TPM2: variants seen among roughly 807,000 people sequenced by gnomAD.
TPM2 encodes tropomyosin 2, also known as tropomyosin beta chain.
In TPM2, 26 loss-of-function variants were observed where a neutral mutation model predicts 41.0. That is an observed-to-expected ratio of 0.63 (90% CI 0.46 to 0.88). The LOEUF (loss-of-function observed/expected upper bound fraction) is 0.88, where lower values mean the gene tolerates loss of function less well. Among genes scored for constraint, TPM2 ranks in the 40% least tolerant of loss-of-function variants. The probability of loss-of-function intolerance (pLI) is 0.00; values close to 1 mark genes in which losing one functional copy is unlikely to be tolerated. For missense variants in TPM2, 187 were observed against 355.2 expected (o/e 0.53, Z 3.81); for synonymous variants, 143 against 139.3 (o/e 1.03, Z -0.19).
chr9:35,687,529 TAG>T (rs746276921), intron 2 of TPM2, among the ~76,000 whole-genome samples: 1 of 151,956 alleles, frequency 6.6e-6, no homozygotes, highest in Non-Finnish European at 1.5e-5. Context: ...GGTCGGACTG[TAG>T]GGCAGGAGAA....
At position 35,689,743 on chromosome 9, in the gene TPM2, G is replaced by A. The variant is rs138151922; in HGVS notation, c.75C>T (p.Ala25=). ...KENAIDRAEQ[A]EADKKQAEDR... ...CCTCAGCTTGCTTCTTGTCGGCTTC[G>A]GCCTGCTCGGCGCGGTCGATGGCGT... Residue 25 remains alanine, a synonymous_variant, in exon 1 of 9, where the codon GCC becomes GCT. Coordinates refer to ENST00000645482, the MANE Select transcript of TPM2 (RefSeq NM_003289.4). 13 of 1,613,658 alleles carry A rather than the reference G, an allele frequency of 8.1e-6. No homozygotes were observed. The Admixed American group carries it at 8.3e-5, about 10-fold the overall frequency.
chr9:35,685,530 G>C lies in TPM2; in HGVS notation c.396C>G (p.Asn132Lys), dbSNP rs1191057003. 6.2e-7 allele frequency: 1 copy of C among 1,614,098 alleles called. No homozygotes were observed. Among genetic ancestry groups the C allele is most frequent in the Non-Finnish European group, 8.5e-7 (1 of 1,180,046 alleles). Reference protein sequence around the residue: ...ESERGMKVIENRAMKDEEKME... With the variant: ...ESERGMKVIEKRAMKDEEKME... ...TCTTCTCCTCATCCTTCATGGCCCG[G>C]TTTTCGATGACCTTCATTCCTCTGA... Residue 132 changes from asparagine to lysine, a missense_variant, in exon 4 of 9, where the codon AAC becomes AAG. By Grantham distance (94) the Asn-to-Lys change is moderately conservative. Coordinates refer to ENST00000645482, the MANE Select transcript of TPM2 (RefSeq NM_003289.4). This position sits in a 1 kb window ranked among gnomAD's most constrained non-coding sequence, Gnocchi z 5.0.
chr9:35,683,429 A>G (rs2131846774), intron 8 of TPM2, among the ~76,000 whole-genome samples, 188 bp from the exon 9 acceptor site: 1 of 152,250 alleles, frequency 6.6e-6, no homozygotes, highest in East Asian at 1.9e-4. Context: ...TCTCTACCCC[A>G]TCTCTTTTCT....
At chr9:35,684,884 G>C in intron 5 of TPM2, 77 bp from the exon 6 acceptor site, 1 of 1,613,460 alleles carries the variant, frequency 6.2e-7, no homozygotes, top group Non-Finnish European at 8.5e-7. Flanking sequence ...CACAGCAGGG[G>C]ACGGGTGGAG....
Position 35,689,161 on chromosome 9 carries a change from C to T in TPM2, c.225G>A (p.Glu75=), listed in dbSNP as rs375762242. ...CCACACTCACATCAGTGGCCTTCTT[C>T]TCGGCCTGCTCCAGTTTCTCCTGGG... is the stretch of plus-strand genomic sequence containing the variant. The part of the protein sequence containing the change: ...KEAQEKLEQA[E]KKATDAEADV... Residue 75 remains glutamate (E), a synonymous_variant, in exon 2 of 9, where the codon GAG becomes GAA. Transcript: ENST00000645482. 1.3e-4 allele frequency: 209 copies of T among 1,614,114 alleles called. No homozygotes were observed. The highest frequency in any genetic ancestry group is 1.6e-4 in the Non-Finnish European group (187 of 1,180,046).
chr9:35,685,617 C>G lies in TPM2; in HGVS notation c.374+30G>C, dbSNP rs1243871. On this transcript the variant is annotated intron_variant, in intron 3 of 8. Coordinates refer to ENST00000645482, the MANE Select transcript of TPM2 (RefSeq NM_003289.4). This position sits in a 1 kb window ranked among gnomAD's most constrained non-coding sequence, Gnocchi z 5.0. ...CAGAGACAGGCTCCCTTCTCCCTCC[C>G]GGACCATCCTCCCCGAGGCCCCTGA... 1.2e-5 allele frequency: 19 copies of G among 1,614,130 alleles called. No homozygotes were observed. The highest frequency in any genetic ancestry group is 1.5e-5 in the Non-Finnish European group (18 of 1,180,018).
At chr9:35,689,588 C>G in intron 1 of TPM2, 116 bp downstream of exon 1, 7 of 1,572,654 alleles carry the variant, frequency 4.5e-6, no homozygotes, top group Non-Finnish European at 5.2e-6. Flanking sequence ...GGCCCAGCCC[C>G]CACCCTGGGT....
chr9:35,689,683 T>G (rs193075517), intron 1 of TPM2, 21 bp downstream of exon 1: 330 of 1,611,630 alleles, frequency 2.0e-4, no homozygotes, highest in African/African-American at 1.8e-3. Context: ...GAGAGCAGGC[T>G]GCACTGGGCC....
chr9:35,685,347 G>C lies in TPM2; in HGVS notation c.493-8C>G. 1 of 1,613,220 alleles carries C rather than the reference G, an allele frequency of 6.2e-7. No homozygotes were observed. The highest frequency in any genetic ancestry group is 8.5e-7 in the Non-Finnish European group (1 of 1,180,028). Reference sequence around the variant, plus strand: ...CACCAGCTTCCTGGCCACCTGTGGGGAGTGAGAAAGAGAGGGTAGATCAGT... The same window carrying C: ...CACCAGCTTCCTGGCCACCTGTGGGCAGTGAGAAAGAGAGGGTAGATCAGT... On this transcript the variant is annotated splice_region_variant and splice_polypyrimidine_tract_variant and intron_variant, in intron 4 of 8. Coordinates refer to ENST00000645482, the MANE Select transcript of TPM2 (RefSeq NM_003289.4). This position sits in a 1 kb window ranked among gnomAD's most constrained non-coding sequence, Gnocchi z 5.0.
At chr9:35,689,325 T>G in intron 1 of TPM2, 54 bp from the exon 2 acceptor site, 1 of 1,611,250 alleles carries the variant, frequency 6.2e-7, no homozygotes, top group Non-Finnish European at 8.5e-7. Flanking sequence ...AGGCCCAGAA[T>G]GGAGACGCGG....
chr9:35,683,321 C>A, intron 8 of TPM2, 80 bp from the exon 9 acceptor site: 2 of 1,357,842 alleles, frequency 1.5e-6, no homozygotes, highest in Non-Finnish European at 1.0e-6. Context: ...GGAGAGAGAG[C>A]AATGGAAAGA....
At chr9:35,688,495 G>A (rs1436902291) in intron 2 of TPM2, among the ~76,000 whole-genome samples, 1 of 152,190 alleles carries the variant, frequency 6.6e-6, no homozygotes, top group Admixed American at 6.5e-5. Flanking sequence ...GGTGGGCAGA[G>A]AAATCTCAGG....
Position 35,683,187 on chromosome 9 carries a change from T to C in TPM2, c.827A>G (p.Asn276Ser). 6.4e-7 allele frequency: 1 copy of C among 1,557,500 alleles called. No homozygotes were observed. Among genetic ancestry groups the C allele is most frequent in the Non-Finnish European group, 8.7e-7 (1 of 1,149,188 alleles). ...KYKAISEELD[N>S]ALNDITSL ...GAGGGAGGTGATGTCATTGAGTGCG[T>C]TGTCCAGTTCCTCGCTAATGGCCTT... The change falls in exon 9 of 9, where the codon AAC becomes AGC. Residue 276 changes from asparagine (N) to serine (S), a missense_variant. Coordinates refer to ENST00000645482, the MANE Select transcript of TPM2 (RefSeq NM_003289.4).
At chr9:35,689,455 G>A (rs549598436) in intron 1 of TPM2, 184 bp from the exon 2 acceptor site, 1 of 937,938 alleles carries the variant, frequency 1.1e-6, no homozygotes, top group African/African-American at 1.8e-5. Context: ...AAAACTTCAG[G>A]CCCCAAGGAG....
chr9:35,689,089 G>A (rs897510184), intron 2 of TPM2, 57 bp downstream of exon 2: 17 of 1,599,510 alleles, frequency 1.1e-5, no homozygotes, highest in Admixed American at 3.3e-5. Flanking sequence ...TCCCATACCC[G>A]GGGGGCCCCT....
At chr9:35,684,343 T>C in intron 7 of TPM2, 28 bp from the exon 8 acceptor site, 1 of 1,613,790 alleles carries the variant, frequency 6.2e-7, no homozygotes, top group African/African-American at 1.3e-5. Context: ...ATGGGAGAAA[T>C]GGCAAAGAAT....
In TPM2 at chr9:35,685,073, T is replaced by G; in HGVS notation, c.563+196A>C. On this transcript the variant is annotated intron_variant, in intron 5 of 8. Transcript: ENST00000645482. The surrounding 1 kb of genome is among the most constrained non-coding windows in gnomAD (Gnocchi z 5.0). ...TCAGAGGGGTCACTACCTCCTCCTC[T>G]GAGGCCATCAGGGACTTGAGGGCCT... 6.2e-7 allele frequency: 1 copy of G among 1,614,194 alleles called. No individual in the cohort carries two copies. Among genetic ancestry groups the G allele is most frequent in the Non-Finnish European group, 8.5e-7 (1 of 1,180,028 alleles).
chr9:35,688,876 T>C (rs1337199843), intron 2 of TPM2, among the ~76,000 whole-genome samples: 1 of 152,212 alleles, frequency 6.6e-6, no homozygotes, highest in Non-Finnish European at 1.5e-5. Flanking sequence ...CAATGACTCA[T>C]TGCTTGATCA....
At chr9:35,682,796 G>A (rs1369135306), downstream of TPM2, 39 of 1,353,064 alleles carry the variant, frequency 2.9e-5, no homozygotes, top group Admixed American at 8.9e-5. Context: ...GGGTTTCAGC[G>A]TGGGCCATGG....
Sources: allele counts gnomAD v4.1 joint callset (sites outside exome capture counted in the v4.1 genomes callset), GRCh38; gene constraint gnomAD v4.1.1; non-coding constraint Gnocchi (gnomAD v3.1); transcripts MANE v1.5; gene names NCBI Gene and HGNC (gene_info 2026-07-23, HGNC 2026-07-21).